Variants in LYRM4 observed in about 807,000 individuals in gnomAD.
LYRM4 encodes LYR motif-containing protein 4.
LYRM4 carries 9 observed loss-of-function variants against 11.7 expected under a neutral mutation model. The observed-to-expected ratio is 0.77, with a 90% CI of 0.46 to 1.34. LYRM4 has a LOEUF of 1.34. Among genes scored for constraint, LYRM4 ranks in the 40% most tolerant of loss-of-function variants. The pLI, the probability that LYRM4 is intolerant of heterozygous loss-of-function variation, is 0.00. For missense variants in LYRM4, 133 were observed against 112.5 expected, an observed-to-expected ratio of 1.18 and a Z score of -0.82; for synonymous variants, 42 against 40.4, an observed-to-expected ratio of 1.04 and a Z score of -0.15.
chr6:5,225,023 C>T (rs13210046), intron 1 of LYRM4, among the ~76,000 whole-genome samples: 7,436 of 149,614 alleles, frequency 0.05, 592 homozygotes, highest in African/African-American at 0.16. Context: ...CCGAGGCAGG[C>T]GGATCACCTG....
chr6:5,257,232 T>C (rs1764720072), intron 1 of LYRM4, among the ~76,000 whole-genome samples: 1 of 152,028 alleles, frequency 6.6e-6, no homozygotes, highest in Non-Finnish European at 1.5e-5. Flanking sequence ...CTCTCCAACC[T>C]CAGTGCCTTC....
chr6:5,118,592 T>C (rs460440), intron 2 of LYRM4, among the ~76,000 whole-genome samples: 118,924 of 152,104 alleles, frequency 0.78, 46,649 homozygotes, highest in East Asian at 0.88. Context: ...CAATTGTCCC[T>C]GGTGAGATCC....
At chr6:5,176,708 A>T (rs1759742353) in intron 2 of LYRM4, among the ~76,000 whole-genome samples, 1 of 152,224 alleles carries the variant, frequency 6.6e-6, no homozygotes, top group South Asian at 2.1e-4. Flanking sequence ...TACCTTTGAA[A>T]ATGAAGTTTC....
the LYRM4 span, among the ~76,000 whole-genome samples, chr6:5,072,620 C>T: frequency 1.3e-5 from 2 of 150,816 alleles, no homozygotes; most frequent in African/African-American, 4.9e-5. Flanking sequence ...CTCTCGTTGC[C>T]CAGGCTGGAG....
intron 2 of LYRM4, among the ~76,000 whole-genome samples, chr6:5,127,201 T>C (rs1052170297): frequency 6.6e-6 from 1 of 152,170 alleles, no homozygotes; most frequent in African/African-American, 2.4e-5. Flanking sequence ...CTGCCCACGT[T>C]GGCCTCCCAA....
intron 1 of LYRM4, among the ~76,000 whole-genome samples, chr6:5,225,300 A>T (rs1461427237): frequency 6.6e-6 from 1 of 152,086 alleles, no homozygotes; most frequent in Non-Finnish European, 1.5e-5. Context: ...TCACAGGTAA[A>T]AAAGATGTAA....
At chr6:5,123,484 T>C (rs1040216038) in intron 2 of LYRM4, among the ~76,000 whole-genome samples, 1 of 152,142 alleles carries the variant, frequency 6.6e-6, no homozygotes, top group African/African-American at 2.4e-5. Flanking sequence ...TGAGTATACG[T>C]ATAAGCACTT....
At chr6:5,062,891 C>T in the LYRM4 span, among the ~76,000 whole-genome samples, 1 of 152,110 alleles carries the variant, frequency 6.6e-6, no homozygotes, top group Non-Finnish European at 1.5e-5. Context: ...AAGCCTGCCG[C>T]AAGCCAGGAG....
intron 2 of LYRM4, among the ~76,000 whole-genome samples, chr6:5,175,948 T>C (rs1759690596): frequency 6.6e-6 from 1 of 152,198 alleles, no homozygotes; most frequent in Non-Finnish European, 1.5e-5. Context: ...CCCCAGCCAT[T>C]TGAGTACACC....
chr6:5,221,156 G>A (rs1294244551), intron 1 of LYRM4, among the ~76,000 whole-genome samples: 1 of 152,076 alleles, frequency 6.6e-6, no homozygotes, highest in East Asian at 1.9e-4. Flanking sequence ...TCCTTTGTGG[G>A]CTCATCTCAT....
intron 2 of LYRM4, among the ~76,000 whole-genome samples, chr6:5,168,349 G>A (rs1759213142): frequency 6.6e-6 from 1 of 152,226 alleles, no homozygotes; most frequent in Admixed American, 6.5e-5. Context: ...GAGATCTCAA[G>A]CAAATGCTGA....
At chr6:5,066,540 T>C in the LYRM4 span, 4 of 829,532 alleles carry the variant, frequency 4.8e-6, no homozygotes, top group Middle Eastern at 2.2e-4. Flanking sequence ...GAAGTCACAG[T>C]GAATCACTTG....
the LYRM4 span, among the ~76,000 whole-genome samples, chr6:5,081,279 A>G: frequency 6.6e-6 from 1 of 152,222 alleles, no homozygotes; most frequent in South Asian, 2.1e-4. Flanking sequence ...CTTAGGGGAC[A>G]GTGAGCTTGG....
the LYRM4 span, chr6:5,032,819 T>C: frequency 1.3e-5 from 2 of 152,158 alleles, no homozygotes; most frequent in African/African-American, 4.8e-5. Context: ...TGCTGTGGCT[T>C]CCAGTCCATG....
chr6:5,144,334 G>A, intron 2 of LYRM4: 7 of 1,516,402 alleles, frequency 4.6e-6, no homozygotes, highest in East Asian at 2.5e-5. Flanking sequence ...AGTGGCTTAC[G>A]TGTAAGAAAT....
chr6:5,063,163 C>A, the LYRM4 span, among the ~76,000 whole-genome samples: 1 of 152,116 alleles, frequency 6.6e-6, no homozygotes, highest in Non-Finnish European at 1.5e-5. Flanking sequence ...TTGAATGGGG[C>A]AAACTGGGCA....
chr6:5,081,405 C>T, the LYRM4 span, among the ~76,000 whole-genome samples: 1 of 152,186 alleles, frequency 6.6e-6, no homozygotes, highest in African/African-American at 2.4e-5. Flanking sequence ...CCGAAGTCCC[C>T]ATGGGCTGCA....
chr6:5,130,409 C>G (rs1335551912), intron 2 of LYRM4, among the ~76,000 whole-genome samples: 3 of 152,236 alleles, frequency 2.0e-5, no homozygotes, highest in African/African-American at 7.2e-5. Flanking sequence ...CACAGGGGAC[C>G]TGGGAACAGG....
intron 2 of LYRM4, among the ~76,000 whole-genome samples, chr6:5,131,642 A>G (rs1356870051): frequency 6.6e-6 from 1 of 152,234 alleles, no homozygotes; most frequent in Admixed American, 6.5e-5. Flanking sequence ...ACTAGGCCAA[A>G]AGAAAGTCTG....
Sources: allele counts gnomAD v4.1 joint callset (sites outside exome capture counted in the v4.1 genomes callset), GRCh38; gene constraint gnomAD v4.1.1; transcripts MANE v1.5; gene names NCBI Gene and HGNC (gene_info 2026-07-23, HGNC 2026-07-21).